Variants in DCLK1 observed in about 807,000 individuals in gnomAD.
DCLK1 encodes the protein doublecortin like kinase 1.
DCLK1 carries 16 observed loss-of-function variants against 86.2 expected under a neutral mutation model. The ratio of observed to expected loss-of-function variants is 0.19; its 90% CI spans 0.13 to 0.28. The LOEUF (loss-of-function observed/expected upper bound fraction) is 0.28, where lower values mean the gene tolerates loss of function less well. Ranked by LOEUF, DCLK1 falls within the 10% of genes least tolerant of loss-of-function variation. The pLI, the probability that DCLK1 is intolerant of heterozygous loss-of-function variation, is 1.00. For missense variants in DCLK1, 590 were observed against 940.2 expected, an observed-to-expected ratio of 0.63 and a Z score of 4.87; for synonymous variants, 369 against 370.5, an observed-to-expected ratio of 1.00 and a Z score of 0.05.
At chr13:36,056,618 TAA>T (rs71196600) in intron 3 of DCLK1, among the ~76,000 whole-genome samples, 4,648 of 109,732 alleles carry the variant, frequency 0.042, 100 homozygotes, top group African/African-American at 0.075. Flanking sequence ...AAGTATAATT[TAA>T]AAAAAAAAAA....
At chr13:36,092,483 C>CTTTTT (rs71084405) in intron 3 of DCLK1, among the ~76,000 whole-genome samples, 8 of 84,964 alleles carry the variant, frequency 9.4e-5, no homozygotes, top group Non-Finnish European at 1.2e-4. Flanking sequence ...GAGGCGTTTT[C>CTTTTT]TTTTTTTTTT....
intron 3 of DCLK1, among the ~76,000 whole-genome samples, chr13:36,071,072 A>T (rs942515700): frequency 6.6e-6 from 1 of 152,114 alleles, no homozygotes; most frequent in Non-Finnish European, 1.5e-5. Flanking sequence ...TTTTTATATA[A>T]TTGCATAATA....
At chr13:36,099,066 CA>C (rs1885109805) in intron 3 of DCLK1, among the ~76,000 whole-genome samples, 1 of 151,690 alleles carries the variant, frequency 6.6e-6, no homozygotes, top group Admixed American at 6.6e-5. Flanking sequence ...CTCCTGGGTT[CA>C]AGCGATTCTC....
chr13:36,040,093 T>C (rs1882647290), intron 3 of DCLK1, among the ~76,000 whole-genome samples: 1 of 151,680 alleles, frequency 6.6e-6, no homozygotes, highest in African/African-American at 2.4e-5. Context: ...GAAGAAAACA[T>C]AGGAGAAATG....
intron 4 of DCLK1, among the ~76,000 whole-genome samples, chr13:35,900,722 A>T (rs1164265788): frequency 3.3e-5 from 5 of 152,180 alleles, no homozygotes; most frequent in Non-Finnish European, 1.5e-5. Context: ...TCTATCCACC[A>T]GATGCCAGTA....
intron 16 of DCLK1, among the ~76,000 whole-genome samples, chr13:35,787,703 AAC>A (rs2086648434): frequency 1.3e-5 from 2 of 152,194 alleles, no homozygotes; most frequent in African/African-American, 4.8e-5. Flanking sequence ...CAAGCTTACC[AAC>A]ACACACAATG....
At chr13:35,994,580 G>A (rs1880392523) in intron 3 of DCLK1, among the ~76,000 whole-genome samples, 1 of 152,190 alleles carries the variant, frequency 6.6e-6, no homozygotes, top group Admixed American at 6.5e-5. Context: ...GCCAACTGGT[G>A]AGGTTGTCTG....
At chr13:35,919,479 C>T (rs1462749958) in intron 4 of DCLK1, among the ~76,000 whole-genome samples, 1 of 152,054 alleles carries the variant, frequency 6.6e-6, no homozygotes, top group African/African-American at 2.4e-5. Context: ...TACACAGATG[C>T]CAGTGGGGCT....
intron 3 of DCLK1, among the ~76,000 whole-genome samples, chr13:36,037,339 G>A (rs1297645441): frequency 6.6e-6 from 1 of 151,946 alleles, no homozygotes; most frequent in Non-Finnish European, 1.5e-5. Context: ...AGAGCAGTAG[G>A]GTGAGTATAG....
intron 4 of DCLK1, among the ~76,000 whole-genome samples, chr13:35,941,014 C>T (rs1049054541): frequency 2.5e-4 from 38 of 151,990 alleles, no homozygotes; most frequent in African/African-American, 8.2e-4. Flanking sequence ...ATTTGAGGTC[C>T]GTTACAACAC....
chr13:35,808,208 G>A lies in DCLK1; in HGVS notation c.1863+16C>T. On this transcript the variant is annotated intron_variant, in intron 14 of 16. Transcript: ENST00000360631. Reference sequence around the variant, plus strand: ...ACACACAGAATATAGGGAAGAGGAAGGCACTGGACACCTACCTTTGCAGAA... The same window carrying A: ...ACACACAGAATATAGGGAAGAGGAAAGCACTGGACACCTACCTTTGCAGAA... The A allele has an allele frequency of 1.2e-6, 2 of 1,607,050 alleles. No homozygotes were observed. The highest frequency in any genetic ancestry group is 1.7e-6 in the Non-Finnish European group (2 of 1,173,646).
chr13:35,822,788 T>A lies in DCLK1; in HGVS notation c.1495A>T (p.Ile499Phe), dbSNP rs1394084630. The A allele has an allele frequency of 6.2e-7, 1 of 1,613,962 alleles. No individual in the cohort carries two copies. The change falls in exon 11 of 17, where the codon ATC (isoleucine) becomes TTC (phenylalanine). Residue 499 changes from isoleucine (I) to phenylalanine (F), a missense_variant. Transcript: ENST00000360631. ...SGMLYNLASA[I>F]KYLHSLNIVH... ...ATGTTCAGGCTATGCAGGTATTTGA[T>A]GGCGCTGGCTAGGTTGTACAGCATC...
At chr13:35,903,568 C>G (rs1006754889) in intron 4 of DCLK1, among the ~76,000 whole-genome samples, 5 of 152,074 alleles carry the variant, frequency 3.3e-5, no homozygotes, top group Non-Finnish European at 5.9e-5. Flanking sequence ...AACCAGAGAG[C>G]CTTTAATATT....
intron 3 of DCLK1, among the ~76,000 whole-genome samples, chr13:35,968,338 ATACT>A (rs1878886101): frequency 6.6e-6 from 1 of 152,202 alleles, no homozygotes; most frequent in Non-Finnish European, 1.5e-5. Flanking sequence ...CATTGTGGAC[ATACT>A]TAATGCCGCA....
At chr13:35,848,842 T>C in intron 6 of DCLK1, 2 of 985,384 alleles carry the variant, frequency 2.0e-6, no homozygotes, top group Non-Finnish European at 2.4e-6. Context: ...TATTAAGTAA[T>C]GCATTTTACA....
intron 2 of DCLK1, among the ~76,000 whole-genome samples, chr13:36,124,136 G>A (rs747607645): frequency 5.9e-5 from 9 of 152,212 alleles, no homozygotes; most frequent in African/African-American, 1.2e-4. Context: ...CAGTACTACC[G>A]GCCCTCAGAG....
chr13:35,797,886 T>C (rs1332180142), intron 15 of DCLK1, among the ~76,000 whole-genome samples: 1 of 152,198 alleles, frequency 6.6e-6, no homozygotes, highest in African/African-American at 2.4e-5. Context: ...TTTATATATA[T>C]ACATCTTTAT....
chr13:35,998,038 G>A lies in DCLK1; in HGVS notation c.724-50581C>T, dbSNP rs188276189. On this transcript the variant is annotated intron_variant, in intron 3 of 16. Transcript: ENST00000360631. ...CGATCAATTCTTCTTTTGACATGCT[G>A]AGCTCCACTCCCACCTTCCTCAGTG... Among the ~76,000 whole-genome samples, 51 of 152,188 alleles carry A rather than the reference G, an allele frequency of 3.4e-4. No homozygotes were observed. The East Asian group carries it at 8.3e-3, about 25-fold the overall frequency.
intron 3 of DCLK1, among the ~76,000 whole-genome samples, chr13:36,079,022 C>A (rs983893799): frequency 6.6e-6 from 1 of 152,064 alleles, no homozygotes; most frequent in Admixed American, 6.5e-5. Flanking sequence ...ATGAGCAGGA[C>A]ATGGCATCAA....
Sources: gnomAD v4.1 joint callset for allele counts (sites outside exome capture counted in the v4.1 genomes callset) on GRCh38, gnomAD v4.1.1 for gene constraint, MANE v1.5 for transcripts, NCBI Gene and HGNC (gene_info 2026-07-23, HGNC 2026-07-21) for gene names.